CPEB3: variants seen among roughly 807,000 people sequenced by gnomAD.
The protein encoded by CPEB3 is cytoplasmic polyadenylation element-binding protein 3.
Under a neutral mutation model 67.2 loss-of-function variants are expected in CPEB3, and 20 were observed. The ratio of observed to expected loss-of-function variants is 0.30; its 90% CI spans 0.21 to 0.43. CPEB3 has a LOEUF of 0.43. Among genes scored for constraint, CPEB3 ranks in the 20% least tolerant of loss-of-function variants. The pLI, the probability that CPEB3 is intolerant of heterozygous loss-of-function variation, is 1.00. For missense variants in CPEB3, 746 were observed against 968.6 expected (o/e 0.77, Z 3.05); for synonymous variants, 376 against 393.1 (o/e 0.96, Z 0.51).
intron 2 of CPEB3, among the ~76,000 whole-genome samples, chr10:92,225,773 A>C (rs1014324054): frequency 6.6e-6 from 1 of 152,190 alleles, no homozygotes; most frequent in Non-Finnish European, 1.5e-5. Flanking sequence ...ATATACCAAA[A>C]CATTAAGAGT....
At chr10:92,116,035 C>T (rs1297681433) in intron 6 of CPEB3, among the ~76,000 whole-genome samples, 4 of 151,340 alleles carry the variant, frequency 2.6e-5, no homozygotes, top group Admixed American at 6.6e-5. Flanking sequence ...CCCAATAAAT[C>T]AGATGGGTTA....
intron 1 of CPEB3, among the ~76,000 whole-genome samples, chr10:92,255,182 T>TCC (rs907561796): frequency 1.3e-5 from 2 of 152,140 alleles, no homozygotes; most frequent in African/African-American, 4.8e-5. Context: ...AATTAATCCC[T>TCC]CCTTCTGTGG....
chr10:92,113,466 C>G (rs999520085), intron 6 of CPEB3, among the ~76,000 whole-genome samples: 5 of 152,142 alleles, frequency 3.3e-5, no homozygotes, highest in African/African-American at 9.7e-5. Flanking sequence ...TCTTTCAAAC[C>G]TCCTCTCTTA....
intron 1 of CPEB3, among the ~76,000 whole-genome samples, chr10:92,262,824 T>A (rs575369780): frequency 2.0e-5 from 3 of 152,312 alleles, no homozygotes; most frequent in East Asian, 1.9e-4. Flanking sequence ...CATTAAAGCA[T>A]CTTTTTTTTG....
intron 7 of CPEB3, among the ~76,000 whole-genome samples, chr10:92,106,293 T>C (rs889339532): frequency 6.6e-6 from 1 of 151,762 alleles, no homozygotes; most frequent in Non-Finnish European, 1.5e-5. Context: ...AGATTTTATA[T>C]CAACTCACAG....
intron 4 of CPEB3, among the ~76,000 whole-genome samples, chr10:92,155,664 C>T (rs1847173072): frequency 6.6e-6 from 1 of 152,158 alleles, no homozygotes; most frequent in Non-Finnish European, 1.5e-5. Flanking sequence ...AGCATTTGCA[C>T]TTCTCTCTGT....
intron 1 of CPEB3, among the ~76,000 whole-genome samples, chr10:92,261,848 AG>A (rs1343894554): frequency 5.3e-5 from 8 of 152,220 alleles, no homozygotes; most frequent in Non-Finnish European, 1.0e-4. Flanking sequence ...ATCCAGGCTC[AG>A]ATATGTTACA....
At chr10:92,265,918 T>A (rs1164523994) in intron 1 of CPEB3, among the ~76,000 whole-genome samples, 5 of 152,012 alleles carry the variant, frequency 3.3e-5, no homozygotes, top group Non-Finnish European at 7.4e-5. Context: ...GTAACTAGAT[T>A]ATGTGGGCTC....
intron 4 of CPEB3, among the ~76,000 whole-genome samples, chr10:92,147,989 C>G (rs966977715): frequency 1.3e-5 from 2 of 152,160 alleles, no homozygotes; most frequent in African/African-American, 4.8e-5. Context: ...CCATCTCTCA[C>G]TAAATCCTGC....
chr10:92,092,966 G>A (rs1165262621), intron 7 of CPEB3, among the ~76,000 whole-genome samples: 1 of 152,064 alleles, frequency 6.6e-6, no homozygotes, highest in Admixed American at 6.5e-5. Flanking sequence ...CCCATAGTTT[G>A]TACTATTTTA....
At chr10:92,120,698 G>A (rs984237639) in intron 6 of CPEB3, among the ~76,000 whole-genome samples, 3 of 152,080 alleles carry the variant, frequency 2.0e-5, no homozygotes, top group Non-Finnish European at 2.9e-5. Flanking sequence ...AGGAATGAGA[G>A]TCTACAATTC....
At chr10:92,201,700 T>C (rs1849533189) in intron 2 of CPEB3, among the ~76,000 whole-genome samples, 1 of 152,356 alleles carries the variant, frequency 6.6e-6, no homozygotes, top group Non-Finnish European at 1.5e-5. Context: ...ATTGATTTAT[T>C]AGGTATAACA....
chr10:92,073,305 C>T (rs1842820848), intron 9 of CPEB3, among the ~76,000 whole-genome samples: 1 of 151,550 alleles, frequency 6.6e-6, no homozygotes, highest in Non-Finnish European at 1.5e-5. Flanking sequence ...TCCCAAAGTT[C>T]TGAGATTACA....
chr10:92,284,319 G>A (rs1468118893), intron 1 of CPEB3, among the ~76,000 whole-genome samples: 4 of 151,488 alleles, frequency 2.6e-5, no homozygotes, highest in African/African-American at 4.9e-5. Flanking sequence ...TTACATGCAT[G>A]AGCCACCACG....
chr10:92,192,882 T>A (rs1564853100), intron 2 of CPEB3, among the ~76,000 whole-genome samples: 1 of 152,110 alleles, frequency 6.6e-6, no homozygotes, highest in Non-Finnish European at 1.5e-5. Context: ...CCTACCAAAG[T>A]GCTGGGATTA....
chr10:92,052,478 C>T lies in CPEB3; in HGVS notation c.1870-39G>A, dbSNP rs557602511. 6 of 1,561,936 alleles carry T rather than the reference C, an allele frequency of 3.8e-6. No individual in the cohort carries two copies. The South Asian group carries it at 5.6e-5, about 15-fold the overall frequency. On this transcript the variant is annotated intron_variant, in intron 9 of 9. Transcript: ENST00000265997. ...GGAAAGACAGAGAAAAATGATTTAGCAAAGCTTCCTTACATGTCTTGCTTT... is the reference window on the plus strand; with the variant it reads ...GGAAAGACAGAGAAAAATGATTTAGTAAAGCTTCCTTACATGTCTTGCTTT...
At chr10:92,064,470 G>A (rs1344307456) in intron 9 of CPEB3, among the ~76,000 whole-genome samples, 4 of 152,196 alleles carry the variant, frequency 2.6e-5, no homozygotes, top group African/African-American at 4.8e-5. Context: ...GGACTTGAGT[G>A]AGTACCTTCT....
intron 4 of CPEB3, among the ~76,000 whole-genome samples, chr10:92,173,122 T>G (rs1249246292): frequency 6.6e-6 from 1 of 152,226 alleles, no homozygotes; most frequent in African/African-American, 2.4e-5. Context: ...AAAGCTAGTC[T>G]CTGCCCTCTT....
intron 2 of CPEB3, chr10:92,216,517 CG>C (rs1177904957): frequency 1.2e-6 from 2 of 1,612,660 alleles, no homozygotes; most frequent in Non-Finnish European, 1.7e-6. Flanking sequence ...AGATTCGGCG[CG>C]GGGTGAAAGA....
Sources: gnomAD v4.1 joint callset for allele counts (sites outside exome capture counted in the v4.1 genomes callset) on GRCh38, gnomAD v4.1.1 for gene constraint, MANE v1.5 for transcripts, NCBI Gene and HGNC (gene_info 2026-07-23, HGNC 2026-07-21) for gene names.